Variants in CATSPERB observed in about 807,000 individuals in gnomAD.
The protein encoded by CATSPERB is cation channel sperm-associated auxiliary subunit beta.
A neutral mutation model predicts 128.3 loss-of-function variants in CATSPERB; 93 were observed. The ratio of observed to expected loss-of-function variants is 0.72; its 90% CI spans 0.61 to 0.86. The LOEUF (loss-of-function observed/expected upper bound fraction) is 0.86. Among genes scored for constraint, CATSPERB ranks in the 40% least tolerant of loss-of-function variants. The pLI, the probability that CATSPERB is intolerant of heterozygous loss-of-function variation, is 0.00. For missense variants in CATSPERB, 1,153 were observed against 1,329.5 expected (o/e 0.87, Z 2.06); for synonymous variants, 381 against 448.8 (o/e 0.85, Z 1.91).
intron 22 of CATSPERB, among the ~76,000 whole-genome samples, chr14:91,602,678 T>C (rs915189049): frequency 6.6e-6 from 1 of 152,198 alleles, no homozygotes. Flanking sequence ...TACTTATTCC[T>C]TATCAGAAAT....
chr14:91,684,947 A>G (rs1232590448), intron 10 of CATSPERB, among the ~76,000 whole-genome samples: 17 of 151,402 alleles, frequency 1.1e-4, no homozygotes, highest in Admixed American at 1.1e-3. Flanking sequence ...ATTGATTGAT[A>G]TGGGGTCCTG....
At chr14:91,721,379 C>G (rs1828355) in intron 4 of CATSPERB, among the ~76,000 whole-genome samples, 149,550 of 152,276 alleles carry the variant, frequency 0.98, 73,493 homozygotes, top group Middle Eastern at 1. Context: ...AAATCAAAAA[C>G]ACGAATACCC....
chr14:91,679,490 G>GT (rs1213475852), intron 11 of CATSPERB, among the ~76,000 whole-genome samples: 3 of 152,082 alleles, frequency 2.0e-5, no homozygotes, highest in Non-Finnish European at 2.9e-5. Flanking sequence ...TATATCAGAT[G>GT]TAAGATTTTA....
At chr14:91,647,321 C>A (rs1894623567) in intron 15 of CATSPERB, among the ~76,000 whole-genome samples, 1 of 152,108 alleles carries the variant, frequency 6.6e-6, no homozygotes, top group South Asian at 2.1e-4. Flanking sequence ...GTGGGGCACA[C>A]CATCTATATT....
At chr14:91,636,648 C>A in intron 16 of CATSPERB, 69 bp from the exon 17 acceptor site, 1 of 1,335,930 alleles carries the variant, frequency 7.5e-7, no homozygotes, top group Non-Finnish European at 1.0e-6. Flanking sequence ...AAATTGAAGT[C>A]ACAGATTTAT....
chr14:91,695,761 T>C (rs983485975), intron 7 of CATSPERB, among the ~76,000 whole-genome samples: 17 of 152,258 alleles, frequency 1.1e-4, no homozygotes, highest in African/African-American at 4.1e-4. Context: ...TGATTTGTAT[T>C]GGCACAAGAA....
Position 91,621,725 on chromosome 14 carries a change from A to C in CATSPERB, c.2143T>G (p.Ser715Ala). 6.2e-7 allele frequency: 1 copy of C among 1,614,042 alleles called. No homozygotes were observed. Residue 715 changes from serine to alanine, a missense_variant, in exon 19 of 27, where the codon TCA becomes GCA. Physicochemically the swap from Ser to Ala is moderately conservative, Grantham distance 99. Coordinates refer to ENST00000256343, the MANE Select transcript of CATSPERB (RefSeq NM_024764.4). ...TGAAACCAATAATTACATGGTTTTG[A>C]ATATATTTTCCATGTTCGTCCATTC... ...QRNGRTWKIY[S>A]KPCNYWFQHD...
chr14:91,723,143 G>T lies in CATSPERB; in HGVS notation c.215C>A (p.Ala72Glu). Residue 72 changes from alanine (A) to glutamate (E), a missense_variant, in exon 4 of 27, where the codon GCA becomes GAA. Transcript: ENST00000256343. ...TCCTGATGTGAACACACTTAGCATT[G>T]CTTTTGATGCAATTTCATTTTCAGT... is the stretch of plus-strand genomic sequence containing the variant. The part of the protein sequence containing the change: ...FQTENEIASK[A>E]MLSVFTSGGL... 6.6e-7 allele frequency: 1 copy of T among 1,520,640 alleles called. No individual in the cohort carries two copies. Among genetic ancestry groups the T allele is most frequent in the Non-Finnish European group, 8.8e-7 (1 of 1,134,012 alleles). The allele number at this position is 1,520,640 out of a possible 1,614,324, so 94.2% of individuals were successfully genotyped here.
chr14:91,617,178 C>T (rs1028248065), intron 20 of CATSPERB, among the ~76,000 whole-genome samples: 1 of 152,080 alleles, frequency 6.6e-6, no homozygotes. Flanking sequence ...TTCTTGTTAC[C>T]TTTTTCTTTA....
At chr14:91,608,492 G>A in intron 21 of CATSPERB, 88 bp from the exon 22 acceptor site, 2 of 812,914 alleles carry the variant, frequency 2.5e-6, no homozygotes, top group Non-Finnish European at 3.9e-6. Flanking sequence ...AACCAATCAA[G>A]GCAAAAATTC....
intron 19 of CATSPERB, among the ~76,000 whole-genome samples, chr14:91,618,974 A>G (rs553598484): frequency 2.3e-4 from 35 of 152,332 alleles, no homozygotes; most frequent in Admixed American, 1.4e-3. Context: ...AGATTTGACT[A>G]GATTTTTCTG....
At chr14:91,728,960 T>C (rs1021224769) in intron 2 of CATSPERB, among the ~76,000 whole-genome samples, 1 of 152,232 alleles carries the variant, frequency 6.6e-6, no homozygotes, top group Admixed American at 6.5e-5. Context: ...TAGCCAACCA[T>C]AGTCTAAAAA....
Position 91,704,532 on chromosome 14 carries a change from T to C in CATSPERB, c.616+20A>G, listed in dbSNP as rs1347606630. On this transcript the variant is annotated intron_variant, in intron 7 of 26. Transcript: ENST00000256343. ...AATATAAAAGGCCAATGTCAACATT[T>C]AATGAAGCTGTAGACCTACCATCAA... is the stretch of plus-strand genomic sequence containing the variant. 6.3e-7 allele frequency: 1 copy of C among 1,582,060 alleles called. No homozygotes were observed. Among genetic ancestry groups the C allele is most frequent in the African/African-American group, 1.4e-5 (1 of 73,704 alleles).
intron 26 of CATSPERB, among the ~76,000 whole-genome samples, chr14:91,586,844 G>T (rs1027489284): frequency 6.6e-6 from 1 of 152,174 alleles, no homozygotes; most frequent in Admixed American, 6.5e-5. Context: ...AATCAGACTA[G>T]AAACTAAAAA....
At chr14:91,640,040 C>G (rs916487754) in intron 15 of CATSPERB, among the ~76,000 whole-genome samples, 1 of 152,104 alleles carries the variant, frequency 6.6e-6, no homozygotes, top group Non-Finnish European at 1.5e-5. Context: ...ATCTAGTGCT[C>G]TTCCCTGAAG....
At chr14:91,595,791 C>G (rs1893497035) in intron 22 of CATSPERB, among the ~76,000 whole-genome samples, 1 of 152,188 alleles carries the variant, frequency 6.6e-6, no homozygotes, top group Non-Finnish European at 1.5e-5. Context: ...AAAACAGATT[C>G]TTACTGCACT....
intron 21 of CATSPERB, among the ~76,000 whole-genome samples, chr14:91,608,792 C>T (rs906601682): frequency 6.6e-6 from 1 of 152,116 alleles, no homozygotes; most frequent in Non-Finnish European, 1.5e-5. Flanking sequence ...AAAAGAGTCA[C>T]AAATTCTGAC....
intron 17 of CATSPERB, among the ~76,000 whole-genome samples, chr14:91,634,831 AC>A (rs1376893475): frequency 3.4e-5 from 5 of 146,480 alleles, no homozygotes; most frequent in African/African-American, 1.3e-4. Flanking sequence ...ACAGATTCCA[AC>A]CTGGTATAAG....
In CATSPERB at chr14:91,590,650, G is replaced by GT. The variant is rs1555359022; in HGVS notation, c.2821-982dup. 4.9e-3 allele frequency among the ~76,000 whole-genome samples: 730 copies of GT among 150,292 alleles called. 1 individual carries two copies. The highest frequency in any genetic ancestry group is 6.1e-3 in the Non-Finnish European group (412 of 67,596). Reference sequence around the variant, plus strand: ...AGTCTCTAGATGTCTTTTTTTGTTTGTTTGTTTTGTTTTGTTTTTTGAGAT... The same window carrying GT: ...AGTCTCTAGATGTCTTTTTTTGTTTGTTTTGTTTTGTTTTGTTTTTTGAGAT... On this transcript the variant is annotated intron_variant, in intron 23 of 26. Coordinates refer to ENST00000256343, the MANE Select transcript of CATSPERB (RefSeq NM_024764.4).
Sources: allele counts gnomAD v4.1 joint callset (sites outside exome capture counted in the v4.1 genomes callset), GRCh38; gene constraint gnomAD v4.1.1; transcripts MANE v1.5; gene names NCBI Gene and HGNC (gene_info 2026-07-23, HGNC 2026-07-21).